The following TOP1 variants were observed in gnomAD, a reference collection of about 807,000 sequenced individuals.
The protein encoded by TOP1 is DNA topoisomerase I.
TOP1 carries 10 observed loss-of-function variants against 111.1 expected under a neutral mutation model. That is an observed-to-expected ratio of 0.09 (90% CI 0.06 to 0.15). The LOEUF (loss-of-function observed/expected upper bound fraction) is 0.15. Ranked by LOEUF, TOP1 falls within the 10% of genes least tolerant of loss-of-function variation. TOP1 has a pLI of 1.00. For synonymous variants in TOP1, 271 were observed against 302.9 expected (o/e 0.89, Z 1.10); for missense variants, 474 against 926.7 (o/e 0.51, Z 6.34).
chr20:41,098,113 T>G lies in TOP1; in HGVS notation c.853-102T>G. On this transcript the variant is annotated intron_variant, in intron 10 of 20. Coordinates refer to ENST00000361337, the MANE Select transcript of TOP1 (RefSeq NM_003286.4). This position sits in a 1 kb window ranked among gnomAD's most constrained non-coding sequence, Gnocchi z 5.7. ...GAGATTGGCTACTTCCAGAAACCTT[T>G]GACTGAAAAAATGGTGCTTGGGTGT... 1 of 1,255,852 alleles carries G rather than the reference T, an allele frequency of 8.0e-7. No homozygotes were observed. Among genetic ancestry groups the G allele is most frequent in the Non-Finnish European group, 1.1e-6 (1 of 875,016 alleles). The allele number at this position is 1,255,852 out of a possible 1,614,324, so 77.8% of individuals were successfully genotyped here. A position where few individuals can be genotyped will look rare whatever the true frequency, so the allele number is the denominator to read the frequency against.
intron 2 of TOP1, among the ~76,000 whole-genome samples, chr20:41,038,582 C>T (rs2033218773): frequency 6.6e-6 from 1 of 152,140 alleles, no homozygotes; most frequent in Non-Finnish European, 1.5e-5. Flanking sequence ...GAAAGGCTGG[C>T]TCAGGAGGGT....
At position 41,067,171 on chromosome 20, in the gene TOP1, G is replaced by T. The variant is rs565096951; in HGVS notation, c.155+5681G>T. Among the ~76,000 whole-genome samples the T allele has an allele frequency of 5.1e-4, 78 of 152,218 alleles. No individual in the cohort carries two copies. The highest frequency in any genetic ancestry group is 1.8e-3 in the African/African-American group (75 of 41,502). On this transcript the variant is annotated intron_variant, in intron 3 of 20. Transcript: ENST00000361337. This position sits in a 1 kb window ranked among gnomAD's most constrained non-coding sequence, Gnocchi z 4.0. ...GTCTCACTTTGTCACCCAGGCTGGAGTGCAGTGGTGTGATCTCGGCTCACT... is the reference window on the plus strand; with the variant it reads ...GTCTCACTTTGTCACCCAGGCTGGATTGCAGTGGTGTGATCTCGGCTCACT...
chr20:41,055,967 T>C (rs1437053807), intron 2 of TOP1, among the ~76,000 whole-genome samples: 2 of 152,222 alleles, frequency 1.3e-5, no homozygotes, highest in East Asian at 1.9e-4. Flanking sequence ...GTTTAACTTA[T>C]GAAAAGTTTC....
At chr20:41,085,521 T>C (rs571890394) in intron 8 of TOP1, among the ~76,000 whole-genome samples, 6 of 152,366 alleles carry the variant, frequency 3.9e-5, no homozygotes, top group African/African-American at 1.2e-4. Flanking sequence ...CTTATTTCTG[T>C]TAACATGTTC....
Position 41,059,830 on chromosome 20 carries a change from G to C in TOP1, c.59-1564G>C, listed in dbSNP as rs192333118. 6.6e-5 allele frequency among the ~76,000 whole-genome samples: 10 copies of C among 152,264 alleles called. No homozygotes were observed. In the East Asian group the frequency reaches 1.9e-3, roughly 29 times the overall value. On this transcript the variant is annotated intron_variant, in intron 2 of 20. Transcript: ENST00000361337. ...ATTGGTAATCCAGAATGTATAAAGA[G>C]CTCTTACAACTAGGTAGTAAGAAGA...
intron 2 of TOP1, among the ~76,000 whole-genome samples, chr20:41,050,188 T>C (rs2033387107): frequency 6.6e-6 from 1 of 152,200 alleles, no homozygotes; most frequent in Non-Finnish European, 1.5e-5. Context: ...GGCTAATTTT[T>C]GTATTTTTTA....
chr20:41,038,642 T>G (rs2033219749), intron 2 of TOP1, among the ~76,000 whole-genome samples: 1 of 152,198 alleles, frequency 6.6e-6, no homozygotes, highest in Admixed American at 6.5e-5. Flanking sequence ...GTGACAAGGC[T>G]TGCTGCATAC....
At chr20:41,049,417 A>T (rs1459194201) in intron 2 of TOP1, among the ~76,000 whole-genome samples, 1 of 152,252 alleles carries the variant, frequency 6.6e-6, no homozygotes, top group Non-Finnish European at 1.5e-5. Flanking sequence ...GAATATTGAA[A>T]AGAAAGACCA....
rs975819527 is a variant in TOP1, at chr20:41,028,835, A to C, written c.-233A>C. ...GCGCAGTGAGCCCAAATGCGAACTT[A>C]GGCTGTTACACAACTGCTGGGGTCT... On this transcript the variant is annotated 5_prime_UTR_variant, in exon 1 of 21. An upstream open reading frame in the 5' UTR loses its in-frame stop. Transcript: ENST00000361337. 23 of 523,418 alleles carry C rather than the reference A, an allele frequency of 4.4e-5. No homozygotes were observed. The highest frequency in any genetic ancestry group is 1.0e-4 in the African/African-American group (5 of 49,150). The allele number at this position is 523,418 out of a possible 1,614,324, so 32.4% of individuals were successfully genotyped here.
In TOP1 at chr20:41,069,664, G is replaced by A. The variant is rs1470481357; in HGVS notation, c.156-6507G>A. 6.6e-6 allele frequency among the ~76,000 whole-genome samples: 1 copy of A among 152,178 alleles called. No homozygotes were observed. Among genetic ancestry groups the A allele is most frequent in the Non-Finnish European group, 1.5e-5 (1 of 68,028 alleles). ...TGGTGATGATGATAATTACCGCAAA[G>A]CCTAGTATAATATCATGCAGATAAA... On this transcript the variant is annotated intron_variant, in intron 3 of 20. Transcript: ENST00000361337. This position sits in a 1 kb window ranked among gnomAD's most constrained non-coding sequence, Gnocchi z 4.1.
chr20:41,029,549 TC>T lies in TOP1; in HGVS notation c.58+97del. ...TGCCGGGCAGAGGACAGACATGGCG[TC>T]CCAGAGACTAAGTCCCGGCTCCTCG... On this transcript the variant is annotated intron_variant, in intron 2 of 20. Transcript: ENST00000361337. The surrounding 1 kb of genome is among the most constrained non-coding windows in gnomAD (Gnocchi z 6.1). 1 of 989,236 alleles carries T rather than the reference TC, an allele frequency of 1.0e-6. No homozygotes were observed. The highest frequency in any genetic ancestry group is 1.5e-6 in the Non-Finnish European group (1 of 645,808). The allele number at this position is 989,236 out of a possible 1,614,324, so 61.3% of individuals were successfully genotyped here. A position where few individuals can be genotyped will look rare whatever the true frequency, so the allele number is the denominator to read the frequency against.
chr20:41,102,987 G>A lies in TOP1; in HGVS notation c.1308+1634G>A, dbSNP rs948342649. Among the ~76,000 whole-genome samples, 4 of 152,174 alleles carry A rather than the reference G, an allele frequency of 2.6e-5. No individual in the cohort carries two copies. The highest frequency in any genetic ancestry group is 4.8e-5 in the African/African-American group (2 of 41,432). On this transcript the variant is annotated intron_variant, in intron 13 of 20. Transcript: ENST00000361337. This position sits in a 1 kb window ranked among gnomAD's most constrained non-coding sequence, Gnocchi z 4.0. ...ATTTCAAACAAGAGAGAACTGTGTC[G>A]TGGACAAAGGGGAGGGTGGTAAGCA... is the stretch of plus-strand genomic sequence containing the variant.
chr20:41,081,848 G>C (rs1028795484), intron 7 of TOP1, among the ~76,000 whole-genome samples: 1 of 152,134 alleles, frequency 6.6e-6, no homozygotes, highest in Non-Finnish European at 1.5e-5. Flanking sequence ...AGCACCTGCT[G>C]TTCCTCTATC....
At chr20:41,062,260 G>A (rs2033554071) in intron 3 of TOP1, among the ~76,000 whole-genome samples, 1 of 152,180 alleles carries the variant, frequency 6.6e-6, no homozygotes. Context: ...GTAAAGATCT[G>A]TCACACATTA....
rs376880378 is a variant in TOP1 at position 41,112,942 on chromosome 20, A to G, written c.1452+17A>G. The G allele has an allele frequency of 6.2e-7, 1 of 1,612,754 alleles. No homozygotes were observed. The highest frequency in any genetic ancestry group is 8.5e-7 in the Non-Finnish European group (1 of 1,179,108). Reference sequence around the variant, plus strand: ...ATCGACAAGGTGAGAGCATCTTCCCATCGGCATTGTCTAGTGTTGAGCTTA... The same window carrying G: ...ATCGACAAGGTGAGAGCATCTTCCCGTCGGCATTGTCTAGTGTTGAGCTTA... On this transcript the variant is annotated intron_variant, in intron 14 of 20. Coordinates refer to ENST00000361337, the MANE Select transcript of TOP1 (RefSeq NM_003286.4). The surrounding 1 kb of genome is among the most constrained non-coding windows in gnomAD (Gnocchi z 5.8).
chr20:41,079,672 T>C lies in TOP1; in HGVS notation c.336-413T>C, dbSNP rs186257345. ...GGGAAATCAATGTTTATTCCTTTCC[T>C]TGTAAAAGCTGTACTTTAGCTTTTA... On this transcript the variant is annotated intron_variant, in intron 5 of 20. Transcript: ENST00000361337. This position sits in a 1 kb window ranked among gnomAD's most constrained non-coding sequence, Gnocchi z 4.0. Among the ~76,000 whole-genome samples, 8 of 152,358 alleles carry C rather than the reference T, an allele frequency of 5.3e-5. No individual in the cohort carries two copies. The highest frequency in any genetic ancestry group is 1.9e-4 in the African/African-American group (8 of 41,598).
chr20:41,103,095 A>G (rs1302275971), intron 13 of TOP1, among the ~76,000 whole-genome samples: 4 of 152,236 alleles, frequency 2.6e-5, no homozygotes, highest in Admixed American at 2.0e-4. Flanking sequence ...TTGTGGATAT[A>G]CTACTAAATG....
chr20:41,066,557 C>CTTTT (rs776922601), intron 3 of TOP1, among the ~76,000 whole-genome samples: 40 of 129,384 alleles, frequency 3.1e-4, no homozygotes, highest in African/African-American at 1.1e-3. Context: ...CTTTTCTTTT[C>CTTTT]TTTTTTTTTT....
rs2033996963 is a variant in TOP1, at chr20:41,097,408, T to C, written c.852+67T>C. The C allele has an allele frequency of 1.8e-5, 26 of 1,448,170 alleles. No homozygotes were observed. Among genetic ancestry groups the C allele is most frequent in the Non-Finnish European group, 2.2e-5 (24 of 1,078,570 alleles). 89.7% of individuals were successfully genotyped at this position (1,448,170 alleles called of 1,614,324 possible). A position where few individuals can be genotyped will look rare whatever the true frequency, so the allele number is the denominator to read the frequency against. ...CAATCAAGTACTAAGTAATAAATTA[T>C]CATTTTGCAAAACATTTCCTGATGT... On this transcript the variant is annotated intron_variant, in intron 10 of 20. Transcript: ENST00000361337. This position sits in a 1 kb window ranked among gnomAD's most constrained non-coding sequence, Gnocchi z 4.2.
Sources: gnomAD v4.1 joint callset for allele counts (sites outside exome capture counted in the v4.1 genomes callset) on GRCh38, gnomAD v4.1.1 for gene constraint, Gnocchi (gnomAD v3.1) non-coding constraint, MANE v1.5 for transcripts, NCBI Gene and HGNC (gene_info 2026-07-23, HGNC 2026-07-21) for gene names.